Variants in FBXO17 observed in about 807,000 individuals in gnomAD.
FBXO17 encodes the protein F-box only protein 17.
In FBXO17, 43 loss-of-function variants were observed where a neutral mutation model predicts 34.1. The ratio of observed to expected loss-of-function variants is 1.26; its 90% CI spans 0.99 to 1.62. FBXO17 has a LOEUF of 1.62. Ranked by LOEUF, FBXO17 falls within the 40% of genes most tolerant of loss-of-function variation. The pLI is 0.00. For missense variants in FBXO17, 424 were observed against 386.7 expected, an observed-to-expected ratio of 1.10 and a Z score of -0.81; for synonymous variants, 169 against 166.0, an observed-to-expected ratio of 1.02 and a Z score of -0.14.
intron 1 of FBXO17, among the ~76,000 whole-genome samples, chr19:38,955,484 C>CTTTTT (rs1223708955): frequency 3.7e-5 from 5 of 133,716 alleles, no homozygotes; most frequent in Admixed American, 8.0e-5. Flanking sequence ...TTCTTTCTTT[C>CTTTTT]TTTTTTTTTT....
At chr19:38,968,848 C>A (rs748840645) in intron 1 of FBXO17, among the ~76,000 whole-genome samples, 3 of 152,050 alleles carry the variant, frequency 2.0e-5, no homozygotes, top group Admixed American at 1.3e-4. Flanking sequence ...AAAGACAAAT[C>A]TTTTTGATCA....
intron 1 of FBXO17, among the ~76,000 whole-genome samples, chr19:38,973,461 C>G (rs548758499): frequency 1.3e-5 from 2 of 152,298 alleles, no homozygotes; most frequent in East Asian, 3.9e-4. Context: ...TTCCTCCTAA[C>G]AAGATCCCCG....
intron 1 of FBXO17, among the ~76,000 whole-genome samples, chr19:38,964,653 G>A (rs1975296731): frequency 6.6e-6 from 1 of 152,036 alleles, no homozygotes; most frequent in South Asian, 2.1e-4. Flanking sequence ...TGTAGTCCCA[G>A]CTACTCGGGA....
chr19:38,968,694 T>A (rs544664588), intron 1 of FBXO17, among the ~76,000 whole-genome samples: 28 of 152,156 alleles, frequency 1.8e-4, no homozygotes, highest in African/African-American at 6.7e-4. Context: ...AAATGTGCCA[T>A]GTCCACAAAA....
intron 4 of FBXO17, 71 bp from the exon 5 acceptor site, chr19:38,945,175 G>A: frequency 6.3e-7 from 1 of 1,587,048 alleles, no homozygotes; most frequent in Non-Finnish European, 8.6e-7. Context: ...GCGGGAGGCT[G>A]AGGGCTGGCT....
At chr19:38,958,993 C>G (rs1975208489) in intron 1 of FBXO17, among the ~76,000 whole-genome samples, 1 of 152,168 alleles carries the variant, frequency 6.6e-6, no homozygotes, top group African/African-American at 2.4e-5. Context: ...GCCTCGAACT[C>G]CTGGGCTCAA....
In FBXO17 at chr19:38,973,011, A is replaced by G. The variant is rs537096983; in HGVS notation, c.-18+2575T>C. 2.6e-5 allele frequency among the ~76,000 whole-genome samples: 4 copies of G among 152,264 alleles called. No individual in the cohort carries two copies. In the South Asian group the frequency reaches 8.3e-4, roughly 32 times the overall value. ...CAGCCTCCCAAAGTGCTGGCATTAC[A>G]GGCATAAGTCACCGGCCTGGCGGCC... On this transcript the variant is annotated intron_variant, in intron 1 of 5. Transcript: ENST00000292852.
At chr19:38,972,986 C>T (rs1375799168) in intron 1 of FBXO17, among the ~76,000 whole-genome samples, 2 of 152,110 alleles carry the variant, frequency 1.3e-5, no homozygotes, top group African/African-American at 2.4e-5. Flanking sequence ...TCGAACTCCT[C>T]AGCCTCCCAA....
In FBXO17 at chr19:38,950,188, T is replaced by C. The variant is rs768982244; in HGVS notation, c.132A>G (p.Pro44=). The part of the protein sequence containing the change: ...PPRSLVTRCR[P]VCRAWRDIVD... ...CTATGTCGCGCCAGGCGCGGCACACTGGGCGGCATCGCGTGACCAAGGAGC... is the reference window on the plus strand; with the variant it reads ...CTATGTCGCGCCAGGCGCGGCACACCGGGCGGCATCGCGTGACCAAGGAGC... Residue 44 remains proline, a synonymous_variant, in exon 2 of 6, where the codon CCA becomes CCG. Coordinates refer to ENST00000292852, the MANE Select transcript of FBXO17 (RefSeq NM_024907.7). The C allele has an allele frequency of 5.1e-6, 8 of 1,557,052 alleles. No homozygotes were observed. In the African/African-American group the frequency reaches 1.1e-4, roughly 21 times the overall value.
At chr19:38,958,546 A>G (rs1341632961) in intron 1 of FBXO17, among the ~76,000 whole-genome samples, 2 of 152,112 alleles carry the variant, frequency 1.3e-5, no homozygotes, top group Non-Finnish European at 2.9e-5. Flanking sequence ...TACCCACTGC[A>G]AGATTGAATG....
chr19:38,948,416 C>T (rs1975018798), intron 3 of FBXO17, 151 bp downstream of exon 3: 1 of 621,984 alleles, frequency 1.6e-6, no homozygotes, highest in Admixed American at 3.1e-5. Flanking sequence ...GTACCCTCAA[C>T]AAGTATTTGT....
intron 1 of FBXO17, among the ~76,000 whole-genome samples, chr19:38,951,653 A>ATT (rs578199067): frequency 0.015 from 1,993 of 129,246 alleles, 44 homozygotes; most frequent in African/African-American, 0.037. Flanking sequence ...TTGGCTTTCT[A>ATT]TTTTTTTTTT....
chr19:38,975,585 C>G lies in FBXO17; in HGVS notation c.-18+1G>C, dbSNP rs1214560570. On this transcript the variant is annotated splice_donor_variant, in intron 1 of 5. Transcript: ENST00000292852. LOFTEE classifies it low-confidence loss of function (5UTR_SPLICE). This position sits in a 1 kb window ranked among gnomAD's most constrained non-coding sequence, Gnocchi z 4.9. ...GGTCCCCTACCTGTCCCGGCGCTCA[C>G]CTGGCGGGCTGCTCGGAGGCGGCAG... 2.0e-5 allele frequency: 3 copies of G among 152,350 alleles called. No individual in the cohort carries two copies. The highest frequency in any genetic ancestry group is 4.8e-5 in the African/African-American group (2 of 41,458). The allele number at this position is 152,350 out of a possible 1,614,324, so 9.4% of individuals were successfully genotyped here.
chr19:38,942,671 C>G lies in FBXO17; in HGVS notation c.774G>C (p.Trp258Cys). The G allele has an allele frequency of 1.2e-6, 2 of 1,601,578 alleles. No individual in the cohort carries two copies. The highest frequency in any genetic ancestry group is 2.7e-5 in the African/African-American group (2 of 73,870). The stretch of plus-strand genomic sequence containing the variant: ...TCACAAGGGCGCCATAGTGCCCCAC[C>G]CAGGAACTCACGTCTCTCCCGTACT... ...FEQYGRDVSS[W>C]VGHYGALVTH... The change falls in exon 6 of 6, where the codon TGG becomes TGC. Residue 258 changes from tryptophan to cysteine, a missense_variant. Coordinates refer to ENST00000292852, the MANE Select transcript of FBXO17 (RefSeq NM_024907.7).
At chr19:38,944,309 C>T (rs1433248595) in intron 5 of FBXO17, among the ~76,000 whole-genome samples, 3 of 132,842 alleles carry the variant, frequency 2.3e-5, no homozygotes, top group African/African-American at 8.6e-5. Context: ...AGTCTGTTGC[C>T]CTGGCTGGAG....
intron 1 of FBXO17, among the ~76,000 whole-genome samples, chr19:38,974,625 C>T (rs770795304): frequency 6.6e-6 from 1 of 151,916 alleles, no homozygotes; most frequent in African/African-American, 2.4e-5. Context: ...GATCCATGGA[C>T]GCGTTGTCTA....
rs1050252079 is a variant in FBXO17 at position 38,950,065 on chromosome 19, G to C, written c.255C>G (p.Asn85Lys). The change falls in exon 2 of 6, where the codon AAC becomes AAG. Residue 85 changes from asparagine to lysine, a missense_variant. Coordinates refer to ENST00000292852, the MANE Select transcript of FBXO17 (RefSeq NM_024907.7). ...ACAGCGGGAACTCCTCCTTGTCTTCGTTGCTGGGCAGGCAGCGTTGAGCCA... is the reference window on the plus strand; with the variant it reads ...ACAGCGGGAACTCCTCCTTGTCTTCCTTGCTGGGCAGGCAGCGTTGAGCCA... Reference protein sequence around the residue: ...YAVAQRCLPSNEDKEEFPLCA... With the variant: ...YAVAQRCLPSKEDKEEFPLCA... 11 of 1,569,312 alleles carry C rather than the reference G, an allele frequency of 7.0e-6. No individual in the cohort carries two copies. Among genetic ancestry groups the C allele is most frequent in the Non-Finnish European group, 9.5e-6 (11 of 1,158,664 alleles).
chr19:38,944,776 G>T, intron 5 of FBXO17, 193 bp downstream of exon 5: 1 of 718,496 alleles, frequency 1.4e-6, no homozygotes, highest in Non-Finnish European at 2.2e-6. Context: ...GAACATTAAG[G>T]GGTTTTGCTA....
chr19:38,949,954 C>T lies in FBXO17; in HGVS notation c.349+17G>A. On this transcript the variant is annotated intron_variant, in intron 2 of 5. Coordinates refer to ENST00000292852, the MANE Select transcript of FBXO17 (RefSeq NM_024907.7). ...GCGGCCCCCCTCAGCCTCCTGGGCC[C>T]CGCCCCCGTCACCCACGCTCTCCGC... 6.6e-7 allele frequency: 1 copy of T among 1,517,932 alleles called. No homozygotes were observed. 94.0% of individuals were successfully genotyped at this position (1,517,932 alleles called of 1,614,324 possible). A position where few individuals can be genotyped will look rare whatever the true frequency, so the allele number is the denominator to read the frequency against.
Sources: allele counts gnomAD v4.1 joint callset (sites outside exome capture counted in the v4.1 genomes callset), GRCh38; gene constraint gnomAD v4.1.1; non-coding constraint Gnocchi (gnomAD v3.1); transcripts MANE v1.5; gene names NCBI Gene and HGNC (gene_info 2026-07-23, HGNC 2026-07-21).